The following KCNT2 variants were observed in gnomAD, a reference collection of about 807,000 sequenced individuals.
KCNT2 encodes the protein potassium sodium-activated channel subfamily T member 2.
In KCNT2, 67 loss-of-function variants were observed where a neutral mutation model predicts 153.8. That is an observed-to-expected ratio of 0.44 (90% confidence interval 0.36 to 0.53). The LOEUF (loss-of-function observed/expected upper bound fraction) is 0.53. Ranked by LOEUF, KCNT2 falls within the 20% of genes least tolerant of loss-of-function variation. The pLI, the probability that KCNT2 is intolerant of heterozygous loss-of-function variation, is 0.00. For synonymous variants in KCNT2, 500 were observed against 458.8 expected (o/e 1.09, Z -1.15); for missense variants, 975 against 1,354.8 (o/e 0.72, Z 4.40).
At chr1:196,561,274 G>C (rs1156267861) in intron 1 of KCNT2, among the ~76,000 whole-genome samples, 1 of 151,204 alleles carries the variant, frequency 6.6e-6, no homozygotes. Context: ...AATGGTCAAA[G>C]TTTTAGGAAA....
intron 1 of KCNT2, among the ~76,000 whole-genome samples, chr1:196,508,983 A>G (rs1207380206): frequency 1.3e-5 from 2 of 152,156 alleles, no homozygotes; most frequent in Non-Finnish European, 2.9e-5. Flanking sequence ...AAGAAGGTTC[A>G]AAGGACCGGG....
chr1:196,525,975 C>A (rs562800740), intron 1 of KCNT2, among the ~76,000 whole-genome samples: 10 of 150,578 alleles, frequency 6.6e-5, no homozygotes, highest in Non-Finnish European at 1.3e-4. Context: ...TTGATGGCAA[C>A]TTTATAGAAC....
intron 2 of KCNT2, 72 bp downstream of exon 2, chr1:196,492,190 A>G: frequency 7.6e-7 from 1 of 1,321,048 alleles, no homozygotes; most frequent in South Asian, 1.6e-5. Flanking sequence ...GTATTTTGCA[A>G]AAGATCACAC....
At position 196,266,677 on chromosome 1, in the gene KCNT2, C is replaced by T. The variant is rs924900016; in HGVS notation, c.2911-8183G>A. ...AACTATTTAGAGAAGGGGTAATAGT[C>T]ACCACTGCTTCTCCTTTTAATAGTC... On this transcript the variant is annotated intron_variant, in intron 25 of 27. Coordinates refer to ENST00000294725, the MANE Select transcript of KCNT2 (RefSeq NM_198503.5). Among the ~76,000 whole-genome samples the T allele has an allele frequency of 2.6e-5, 4 of 152,272 alleles. No individual in the cohort carries two copies. The South Asian group carries it at 8.3e-4, about 32-fold the overall frequency.
chr1:196,501,881 G>A (rs1445790446), intron 1 of KCNT2, among the ~76,000 whole-genome samples: 1 of 152,210 alleles, frequency 6.6e-6, no homozygotes, highest in Non-Finnish European at 1.5e-5. Flanking sequence ...CACTTTGGGA[G>A]GCCAAGGCAG....
intron 14 of KCNT2, among the ~76,000 whole-genome samples, chr1:196,345,409 A>AT (rs1666055030): frequency 6.6e-6 from 1 of 152,162 alleles, no homozygotes; most frequent in East Asian, 1.9e-4. Flanking sequence ...TTAATGCTTG[A>AT]TGCGGCTAAG....
Position 196,236,012 on chromosome 1 carries a change from A to G in KCNT2, c.3270T>C (p.Asp1090=). 1 of 1,601,530 alleles carries G rather than the reference A, an allele frequency of 6.2e-7. No homozygotes were observed. The highest frequency in any genetic ancestry group is 1.1e-5 in the South Asian group (1 of 90,786). ...CAACATCATTCAGCTCTATTCTGGT[A>G]TCTGGAGATGGGTTAATCAGGATGT... ...LSYILINPSP[D]TRIELNDVVY... Residue 1090 remains aspartate, a synonymous_variant, in exon 27 of 28, where the codon GAT becomes GAC. Coordinates refer to ENST00000294725, the MANE Select transcript of KCNT2 (RefSeq NM_198503.5).
At chr1:196,283,224 G>A (rs112103424) in intron 23 of KCNT2, among the ~76,000 whole-genome samples, 17 of 152,158 alleles carry the variant, frequency 1.1e-4, no homozygotes, top group South Asian at 2.1e-4. Context: ...ACTCCTGGGA[G>A]GTCCCAGGAG....
rs532626958 is a variant in KCNT2 at position 196,433,760 on chromosome 1, C to T, written c.639-4003G>A. Among the ~76,000 whole-genome samples, 14 of 151,938 alleles carry T rather than the reference C, an allele frequency of 9.2e-5. No homozygotes were observed. The East Asian group carries it at 2.3e-3, about 25-fold the overall frequency. On this transcript the variant is annotated intron_variant, in intron 8 of 27. Transcript: ENST00000294725. ...CTTTTCCGGCCTTTTAAGATAATCT[C>T]CTTATTTGTCTAAGTTATGTAGCAT... is the stretch of plus-strand genomic sequence containing the variant.
intron 14 of KCNT2, among the ~76,000 whole-genome samples, chr1:196,365,269 T>C (rs1667942652): frequency 6.6e-6 from 1 of 152,128 alleles, no homozygotes; most frequent in African/African-American, 2.4e-5. Context: ...AAATTTGTCT[T>C]ATTTAAGGCC....
chr1:196,564,076 T>A (rs1386169935), intron 1 of KCNT2, among the ~76,000 whole-genome samples: 2 of 151,892 alleles, frequency 1.3e-5, no homozygotes, highest in African/African-American at 4.8e-5. Flanking sequence ...CTGACTATGT[T>A]TGCAGAGAAC....
At chr1:196,580,474 G>A (rs1661902484) in intron 1 of KCNT2, among the ~76,000 whole-genome samples, 1 of 152,098 alleles carries the variant, frequency 6.6e-6, no homozygotes, top group African/African-American at 2.4e-5. Flanking sequence ...AGGCTTTATA[G>A]TTCTACCACA....
intron 1 of KCNT2, among the ~76,000 whole-genome samples, chr1:196,558,065 G>A (rs1658909424): frequency 6.6e-6 from 1 of 151,302 alleles, no homozygotes; most frequent in African/African-American, 2.4e-5. Context: ...ATGCCAAAGT[G>A]GATGAGGTAC....
intron 25 of KCNT2, among the ~76,000 whole-genome samples, chr1:196,260,974 T>C (rs1160242296): frequency 6.6e-6 from 1 of 151,790 alleles, no homozygotes. Flanking sequence ...ACAATATCAA[T>C]AACACTAGCA....
chr1:196,589,034 A>T (rs919533686), intron 1 of KCNT2, among the ~76,000 whole-genome samples: 1 of 151,974 alleles, frequency 6.6e-6, no homozygotes, highest in Non-Finnish European at 1.5e-5. Context: ...TAAATATCTA[A>T]CAACACCTAA....
At chr1:196,337,466 C>A (rs1439416232) in intron 16 of KCNT2, among the ~76,000 whole-genome samples, 2 of 152,066 alleles carry the variant, frequency 1.3e-5, no homozygotes, top group Non-Finnish European at 2.9e-5. Context: ...ATAATTCCCA[C>A]TTCACTGAGA....
chr1:196,422,324 C>A (rs1295457910), intron 12 of KCNT2, among the ~76,000 whole-genome samples: 1 of 151,788 alleles, frequency 6.6e-6, no homozygotes, highest in Non-Finnish European at 1.5e-5. Flanking sequence ...CTATAGAAAC[C>A]ACCAATTGTT....
rs535683929 is a variant in KCNT2, at chr1:196,334,240, G to A, written c.1784-180C>T. On this transcript the variant is annotated intron_variant, in intron 16 of 27. Coordinates refer to ENST00000294725, the MANE Select transcript of KCNT2 (RefSeq NM_198503.5). ...AGCTAAATATTTCTTTTGCACACAG[G>A]CATTTTCCTGGACAAGAAAATCTCT... Among the ~76,000 whole-genome samples the A allele has an allele frequency of 3.0e-4, 46 of 151,946 alleles. No individual in the cohort carries two copies. In the South Asian group the frequency reaches 9.4e-3, roughly 31 times the overall value.
At chr1:196,309,590 C>A (rs967001738) in intron 21 of KCNT2, among the ~76,000 whole-genome samples, 1 of 151,836 alleles carries the variant, frequency 6.6e-6, no homozygotes, top group African/African-American at 2.4e-5. Flanking sequence ...AAGCCTGCCA[C>A]CTAGTGAAAA....
Sources: allele counts gnomAD v4.1 joint callset (sites outside exome capture counted in the v4.1 genomes callset), GRCh38; gene constraint gnomAD v4.1.1; transcripts MANE v1.5; gene names NCBI Gene and HGNC (gene_info 2026-07-23, HGNC 2026-07-21).